The following ILDR2 variants were observed in gnomAD, a reference collection of about 807,000 sequenced individuals.
ILDR2 encodes immunoglobulin like domain containing receptor 2.
ILDR2 carries 25 observed loss-of-function variants against 66.8 expected under a neutral mutation model. That is an observed-to-expected ratio of 0.37 (90% CI 0.27 to 0.52). The LOEUF (loss-of-function observed/expected upper bound fraction) is 0.52, where lower values mean the gene tolerates loss of function less well. Ranked by LOEUF, ILDR2 falls within the 20% of genes least tolerant of loss-of-function variation. ILDR2 has a pLI of 0.88. For missense variants in ILDR2, 827 were observed against 876.8 expected (o/e 0.94, Z 0.72); for synonymous variants, 367 against 357.2 (o/e 1.03, Z -0.31).
At chr1:166,951,114 T>A (rs1280491300) in intron 3 of ILDR2, among the ~76,000 whole-genome samples, 1 of 152,240 alleles carries the variant, frequency 6.6e-6, no homozygotes, top group African/African-American at 2.4e-5. Context: ...CACTTTTCCC[T>A]TCAGTTCATA....
In ILDR2 at chr1:166,919,538, T is replaced by C. The variant is rs1316944558; in HGVS notation, c.1885-148A>G. 6.1e-6 allele frequency: 4 copies of C among 654,562 alleles called. No homozygotes were observed. The East Asian group carries it at 8.3e-5, about 14-fold the overall frequency. 40.5% of individuals were successfully genotyped at this position (654,562 alleles called of 1,614,324 possible). On this transcript the variant is annotated intron_variant, in intron 9 of 9. Coordinates refer to ENST00000271417, the MANE Select transcript of ILDR2 (RefSeq NM_199351.3). ...GAACCTTTCATTAGACCTGTGATGGTTGATCCTAAGCCTCAGTAGAGGCTA... is the reference window on the plus strand; with the variant it reads ...GAACCTTTCATTAGACCTGTGATGGCTGATCCTAAGCCTCAGTAGAGGCTA...
At chr1:166,956,634 A>G (rs1662299427) in intron 3 of ILDR2, 99 bp downstream of exon 3, 5 of 1,339,944 alleles carry the variant, frequency 3.7e-6, no homozygotes, top group Non-Finnish European at 4.1e-6. Context: ...TGTGTATGCA[A>G]CCTGCTAATG....
chr1:166,948,225 C>T (rs567684799), intron 3 of ILDR2, among the ~76,000 whole-genome samples: 10 of 152,248 alleles, frequency 6.6e-5, no homozygotes, highest in African/African-American at 2.2e-4. Context: ...TATGGGAGAC[C>T]CTTCAAGGTG....
chr1:166,973,635 C>T (rs1476736690), intron 1 of ILDR2, among the ~76,000 whole-genome samples: 2 of 129,938 alleles, frequency 1.5e-5, no homozygotes, highest in South Asian at 2.9e-4. Flanking sequence ...CGATGCCTGG[C>T]TGACTTCAGT....
chr1:166,957,903 T>A lies in ILDR2; in HGVS notation c.245A>T (p.Lys82Met). ...GTAGGGGTCCCATTCCAGGTTTCTCTTGCTGAGAGATTGGGCCCGGGTAGA... is the reference window on the plus strand; with the variant it reads ...GTAGGGGTCCCATTCCAGGTTTCTCATGCTGAGAGATTGGGCCCGGGTAGA... ...MSSTRAQSLSKRNLEWDPYLD... is the reference protein window; with the variant it reads ...MSSTRAQSLSMRNLEWDPYLD... Residue 82 changes from lysine (K) to methionine (M), a missense_variant, in exon 2 of 10, where the codon AAG becomes ATG. Lys to Met is a moderately conservative substitution (Grantham distance 95). This residue lies in a region of ILDR2 where 437 missense variants were observed against 523.2 expected (regional missense o/e 0.84). Coordinates refer to ENST00000271417, the MANE Select transcript of ILDR2 (RefSeq NM_199351.3). 6.2e-7 allele frequency: 1 copy of A among 1,614,152 alleles called. No individual in the cohort carries two copies. Among genetic ancestry groups the A allele is most frequent in the Non-Finnish European group, 8.5e-7 (1 of 1,179,992 alleles).
intron 1 of ILDR2, among the ~76,000 whole-genome samples, chr1:166,972,082 C>T (rs997396489): frequency 6.6e-6 from 1 of 151,862 alleles, no homozygotes; most frequent in Non-Finnish European, 1.5e-5. Context: ...TGTGGTGGCG[C>T]GTGCCTATAA....
intron 3 of ILDR2, among the ~76,000 whole-genome samples, chr1:166,941,912 T>A (rs2312238): frequency 0.45 from 67,949 of 152,012 alleles, 15,375 homozygotes; most frequent in East Asian, 0.68. Flanking sequence ...TAAAAATCCA[T>A]ACATTCAAGG....
intron 2 of ILDR2, among the ~76,000 whole-genome samples, chr1:166,896,882 A>G (rs533840716): frequency 7.9e-5 from 12 of 152,022 alleles, no homozygotes; most frequent in African/African-American, 2.9e-4. Flanking sequence ...CGGTCCACCC[A>G]CCTCAGCCTC....
intron 1 of ILDR2, among the ~76,000 whole-genome samples, chr1:166,962,810 A>G (rs1304525009): frequency 6.6e-6 from 1 of 152,220 alleles, no homozygotes; most frequent in Non-Finnish European, 1.5e-5. Context: ...GCTAATAAGA[A>G]TATGTAACTA....
At chr1:166,971,417 T>C (rs1663290177) in intron 1 of ILDR2, among the ~76,000 whole-genome samples, 1 of 152,212 alleles carries the variant, frequency 6.6e-6, no homozygotes, top group African/African-American at 2.4e-5. Flanking sequence ...GTGGCTCTCA[T>C]CAAAGGACCT....
At chr1:166,927,922 G>C (rs896231821) in intron 6 of ILDR2, among the ~76,000 whole-genome samples, 6 of 152,176 alleles carry the variant, frequency 3.9e-5, no homozygotes, top group Non-Finnish European at 7.3e-5. Flanking sequence ...CAAAACTAAA[G>C]CAGGAGAGAG....
intron 6 of ILDR2, among the ~76,000 whole-genome samples, chr1:166,929,235 G>A (rs977777386): frequency 2.6e-5 from 4 of 152,196 alleles, no homozygotes; most frequent in African/African-American, 9.7e-5. Context: ...GGACAACTAA[G>A]ACCAAATCAG....
chr1:166,927,672 T>C (rs1244225669), intron 6 of ILDR2, among the ~76,000 whole-genome samples: 1 of 152,240 alleles, frequency 6.6e-6, no homozygotes, highest in Non-Finnish European at 1.5e-5. Flanking sequence ...TTGAGTTGCC[T>C]AGGAGATAAT....
chr1:166,898,849 A>G (rs1468936352), intron 2 of ILDR2, among the ~76,000 whole-genome samples: 1 of 151,900 alleles, frequency 6.6e-6, no homozygotes, highest in Non-Finnish European at 1.5e-5. Flanking sequence ...GCTTGAAGCC[A>G]GGAGCTCAAA....
rs948237274 is a variant in ILDR2 at position 166,921,867 on chromosome 1, GGAAAGGCAATGTTCACT to G, written c.1212-505_1212-489del. On this transcript the variant is annotated intron_variant, in intron 8 of 9. Transcript: ENST00000271417. The surrounding 1 kb of genome is among the most constrained non-coding windows in gnomAD (Gnocchi z 5.3). ...GAGAAGGACACTTGCAATTTGTAAG[GGAAAGGCAATGTTCACT>G]GTCTTTTAAGGTAAAGGACAGATGA... is the stretch of plus-strand genomic sequence containing the variant. 3.3e-5 allele frequency among the ~76,000 whole-genome samples: 5 copies of G among 152,128 alleles called. No individual in the cohort carries two copies. The highest frequency in any genetic ancestry group is 1.2e-4 in the African/African-American group (5 of 41,442).
intron 8 of ILDR2, among the ~76,000 whole-genome samples, chr1:166,922,348 A>G (rs1176327676): frequency 6.6e-6 from 1 of 152,210 alleles, no homozygotes; most frequent in Non-Finnish European, 1.5e-5. Flanking sequence ...ATTAATGTTC[A>G]TTAAAGGGTC....
intron 1 of ILDR2, among the ~76,000 whole-genome samples, chr1:166,970,120 C>A (rs76132547): frequency 0.044 from 6,746 of 152,216 alleles, 527 homozygotes; most frequent in African/African-American, 0.15. Flanking sequence ...AAGGGACATT[C>A]TAGGACCAGA....
At chr1:166,907,002 G>C (rs1335948005), downstream of ILDR2, 1 of 152,280 alleles carries the variant, frequency 6.6e-6, no homozygotes, top group Non-Finnish European at 1.5e-5. Context: ...CCCACTGCCA[G>C]ACTGCCCTCT....
chr1:166,952,393 T>C (rs1202195009), intron 3 of ILDR2, among the ~76,000 whole-genome samples: 1 of 152,186 alleles, frequency 6.6e-6, no homozygotes, highest in Non-Finnish European at 1.5e-5. Flanking sequence ...CAAAACACTA[T>C]GCATTTCCAT....
Sources: allele counts gnomAD v4.1 joint callset (sites outside exome capture counted in the v4.1 genomes callset), GRCh38; gene constraint gnomAD v4.1.1; regional missense constraint gnomAD v4.1.1; non-coding constraint Gnocchi (gnomAD v3.1); transcripts MANE v1.5; gene names NCBI Gene and HGNC (gene_info 2026-07-23, HGNC 2026-07-21).